The following DEPDC4 variants were observed in gnomAD, a reference collection of about 807,000 sequenced individuals.
The protein encoded by DEPDC4 is DEP domain containing 4, also known as DEP domain-containing protein 4.
In DEPDC4, 52 loss-of-function variants were observed where a neutral mutation model predicts 52.0. The ratio of observed to expected loss-of-function variants is 1.00; its 90% CI spans 0.80 to 1.26. The LOEUF (loss-of-function observed/expected upper bound fraction) is 1.26, where lower values mean the gene tolerates loss of function less well. Among genes scored for constraint, DEPDC4 ranks in the 50% most tolerant of loss-of-function variants. The pLI, the probability that DEPDC4 is intolerant of heterozygous loss-of-function variation, is 0.00. For missense variants in DEPDC4, 530 were observed against 546.9 expected (o/e 0.97, Z 0.31); for synonymous variants, 201 against 196.8 (o/e 1.02, Z -0.18).
intron 5 of DEPDC4, among the ~76,000 whole-genome samples, chr12:100,253,250 CCCTGTGATGTA>C (rs2096216342): frequency 6.6e-6 from 1 of 152,096 alleles, no homozygotes; most frequent in Non-Finnish European, 1.5e-5. Context: ...CCTGCGATGT[CCCTGTGATGTA>C]CTGCCTTAGA....
downstream of DEPDC4, among the ~76,000 whole-genome samples, chr12:100,240,054 T>C (rs1042445481): frequency 6.6e-6 from 1 of 152,234 alleles, no homozygotes; most frequent in Non-Finnish European, 1.5e-5. Context: ...AAGATAAAAC[T>C]GATGACATCT....
intron 8 of DEPDC4, among the ~76,000 whole-genome samples, chr12:100,243,749 C>T (rs1313420413): frequency 6.6e-6 from 1 of 152,022 alleles, no homozygotes; most frequent in African/African-American, 2.4e-5. Flanking sequence ...CAGTTCCTCT[C>T]TTCCCCTTCT....
chr12:100,250,566 G>A (rs1457781236), intron 7 of DEPDC4, among the ~76,000 whole-genome samples: 1 of 152,104 alleles, frequency 6.6e-6, no homozygotes, highest in Non-Finnish European at 1.5e-5. Flanking sequence ...AACATGAAGG[G>A]GGAGGTAGAA....
chr12:100,233,878 C>CA (rs546802593), intron 9 of DEPDC4, among the ~76,000 whole-genome samples: 2,186 of 151,666 alleles, frequency 0.014, 50 homozygotes, highest in African/African-American at 0.05. Context: ...CGTTTTGTCT[C>CA]AAAAAAAAAT....
chr12:100,269,072 C>G (rs190136457), upstream of DEPDC4, among the ~76,000 whole-genome samples: 2 of 152,268 alleles, frequency 1.3e-5, no homozygotes, highest in Admixed American at 6.5e-5. Context: ...GACTTAGTGA[C>G]TTTTTCAAAA....
Position 100,267,079 on chromosome 12 carries a change from C to A in DEPDC4, c.-3G>T. 1 of 1,612,162 alleles carries A rather than the reference C, an allele frequency of 6.2e-7. No homozygotes were observed. The highest frequency in any genetic ancestry group is 1.1e-5 in the South Asian group (1 of 90,740). ...GCTGGCTCCTCCCCTGGCACCATAG[C>A]CCCGCCCCACCTGACACCCGGGGCG... On this transcript the variant is annotated 5_prime_UTR_variant, in exon 1 of 10. Transcript: ENST00000550587.
downstream of DEPDC4, among the ~76,000 whole-genome samples, chr12:100,235,646 C>T (rs2096140318): frequency 6.6e-6 from 1 of 151,966 alleles, no homozygotes. Context: ...ATGATCCCGG[C>T]TCACTACAGC....
chr12:100,260,554 C>T (rs1228137400), intron 3 of DEPDC4, among the ~76,000 whole-genome samples: 1 of 151,594 alleles, frequency 6.6e-6, no homozygotes, highest in African/African-American at 2.4e-5. Flanking sequence ...GACTCTCCTG[C>T]TTGCCCTTTA....
In DEPDC4 at chr12:100,252,377, A is replaced by G. The variant is rs1199720511; in HGVS notation, c.1248+17T>C. On this transcript the variant is annotated intron_variant, in intron 6 of 9. Transcript: ENST00000550587. Reference sequence around the variant, plus strand: ...ATAGCAAAAAAAAATGGCAAAACTTATTGCAAAATTTTTCACCTGTTTTTG... The same window carrying G: ...ATAGCAAAAAAAAATGGCAAAACTTGTTGCAAAATTTTTCACCTGTTTTTG... 5.2e-6 allele frequency: 8 copies of G among 1,533,654 alleles called. No homozygotes were observed. The highest frequency in any genetic ancestry group is 7.0e-6 in the Non-Finnish European group (8 of 1,147,280).
intron 7 of DEPDC4, among the ~76,000 whole-genome samples, chr12:100,250,956 AT>A (rs2096205123): frequency 6.6e-6 from 1 of 152,132 alleles, no homozygotes; most frequent in Non-Finnish European, 1.5e-5. Context: ...TGAATGAAAC[AT>A]TTTTTAATGT....
intron 8 of DEPDC4, among the ~76,000 whole-genome samples, chr12:100,244,134 TAC>T (rs1555310358): frequency 4.1e-5 from 5 of 121,816 alleles, no homozygotes; most frequent in Non-Finnish European, 6.7e-5. Context: ...TATATATATA[TAC>T]ACAAAATACA....
chr12:100,256,097 G>C lies in DEPDC4; in HGVS notation c.830C>G (p.Thr277Ser), dbSNP rs752491869. 37 of 1,613,028 alleles carry C rather than the reference G, an allele frequency of 2.3e-5. No individual in the cohort carries two copies. Among genetic ancestry groups the C allele is most frequent in the Non-Finnish European group, 2.9e-5 (34 of 1,179,432 alleles). Residue 277 changes from threonine to serine, a missense_variant, in exon 4 of 10, where the codon ACT becomes AGT. Thr to Ser is a moderately conservative substitution (Grantham distance 58, BLOSUM62 1). Transcript: ENST00000550587. ...AAGTTCTCTGTCTAGGCAAGTGTTA[G>C]TGATAACAAGATCTTCCTCTTTGTT... ...QLNKEEDLVI[T>S]NTCLDRELIP...
At chr12:100,269,987 CTT>C (rs548843835), upstream of DEPDC4, among the ~76,000 whole-genome samples, 30 of 142,842 alleles carry the variant, frequency 2.1e-4, no homozygotes, top group Non-Finnish European at 1.5e-4. Flanking sequence ...AGATTTTATA[CTT>C]TTTTTTTTTT....
chr12:100,255,329 A>C (rs2096227947), intron 4 of DEPDC4, among the ~76,000 whole-genome samples: 3 of 152,170 alleles, frequency 2.0e-5, no homozygotes, highest in Admixed American at 6.5e-5. Flanking sequence ...GAATAAGAGA[A>C]ATCTGTCATG....
At chr12:100,232,209 T>G (rs1327144609) in intron 9 of DEPDC4, among the ~76,000 whole-genome samples, 1 of 151,620 alleles carries the variant, frequency 6.6e-6, no homozygotes, top group African/African-American at 2.4e-5. Context: ...CTGGCCAACA[T>G]GGTGAAACCC....
At position 100,253,733 on chromosome 12, in the gene DEPDC4, A is replaced by G. The variant is rs1464832784; in HGVS notation, c.879-18T>C. On this transcript the variant is annotated intron_variant, in intron 4 of 9. Coordinates refer to ENST00000550587, the MANE Select transcript of DEPDC4 (RefSeq NM_001364818.2). ...TATCGATTCTAGAGGGAAAATGCAA[A>G]CCAAAATAAAGCAATGGTTAACATT... The G allele has an allele frequency of 1.6e-6, 2 of 1,229,686 alleles. No homozygotes were observed. Among genetic ancestry groups the G allele is most frequent in the African/African-American group, 3.1e-5 (2 of 64,760 alleles). 76.2% of individuals were successfully genotyped at this position (1,229,686 alleles called of 1,614,324 possible). A position where few individuals can be genotyped will look rare whatever the true frequency, so the allele number is the denominator to read the frequency against.
In DEPDC4 at chr12:100,266,975, C is replaced by T. The variant is rs2096276947; in HGVS notation, c.102G>A (p.Leu34=). 6.2e-7 allele frequency: 1 copy of T among 1,613,994 alleles called. No homozygotes were observed. The highest frequency in any genetic ancestry group is 1.3e-5 in the African/African-American group (1 of 74,948). The change falls in exon 1 of 10, where the codon CTG becomes CTA. Residue 34 remains leucine, a synonymous_variant. Coordinates refer to ENST00000550587, the MANE Select transcript of DEPDC4 (RefSeq NM_001364818.2). ...VSQNELPGPG[L]NGPSSRNRRD... is the part of the protein sequence containing the mutation. Reference sequence around the variant, plus strand: ...TACGGTTCCTGGAACTTGGCCCGTTCAGCCCTGGGCCCGGAAGCTCGTTCT... The same window carrying T: ...TACGGTTCCTGGAACTTGGCCCGTTTAGCCCTGGGCCCGGAAGCTCGTTCT...
chr12:100,243,987 T>C (rs551225740), intron 8 of DEPDC4, among the ~76,000 whole-genome samples: 1 of 151,128 alleles, frequency 6.6e-6, no homozygotes, highest in East Asian at 2.0e-4. Context: ...CTCTCATTCA[T>C]AGGTTCCTCT....
intron 9 of DEPDC4, among the ~76,000 whole-genome samples, 162 bp downstream of exon 9, chr12:100,242,324 C>A (rs201160799): frequency 3.1e-5 from 3 of 96,036 alleles, no homozygotes; most frequent in East Asian, 3.0e-4. Flanking sequence ...ACTATGAGGG[C>A]TTTTTTTTTT....
Sources: allele counts gnomAD v4.1 joint callset (sites outside exome capture counted in the v4.1 genomes callset), GRCh38; gene constraint gnomAD v4.1.1; transcripts MANE v1.5; gene names NCBI Gene and HGNC (gene_info 2026-07-23, HGNC 2026-07-21).